CYP4X1: variants seen among roughly 807,000 people sequenced by gnomAD.
The protein encoded by CYP4X1 is cytochrome P450 family 4 subfamily X member 1.
CYP4X1 carries 44 observed loss-of-function variants against 57.9 expected under a neutral mutation model. The ratio of observed to expected loss-of-function variants is 0.76; its 90% CI spans 0.60 to 0.98. CYP4X1 has a LOEUF of 0.98. CYP4X1 is among the 50% of genes least tolerant of loss of function. The pLI, the probability that CYP4X1 is intolerant of heterozygous loss-of-function variation, is 0.00. For synonymous variants in CYP4X1, 227 were observed against 228.6 expected, an observed-to-expected ratio of 0.99 and a Z score of 0.06; for missense variants, 532 against 623.9, an observed-to-expected ratio of 0.85 and a Z score of 1.57.
chr1:47,049,347 C>A, intron 10 of CYP4X1, 75 bp from the exon 11 acceptor site: 1 of 1,035,726 alleles, frequency 9.7e-7, no homozygotes, highest in Non-Finnish European at 1.5e-6. Context: ...TTCTATTGAT[C>A]GGTGCTAGGT....
the CYP4X1 span, among the ~76,000 whole-genome samples, chr1:46,963,822 A>G: frequency 6.6e-6 from 1 of 152,196 alleles, no homozygotes; most frequent in Non-Finnish European, 1.5e-5. Context: ...TCTCCTGGAT[A>G]ATATCCTGAA....
chr1:46,978,107 TC>T, the CYP4X1 span, among the ~76,000 whole-genome samples: 6 of 152,024 alleles, frequency 3.9e-5, 1 homozygote, highest in African/African-American at 1.5e-4. Context: ...AATGACAGGA[TC>T]AAATTCATGC....
At chr1:47,038,202 A>G (rs774569053) in intron 6 of CYP4X1, among the ~76,000 whole-genome samples, 1 of 152,196 alleles carries the variant, frequency 6.6e-6, no homozygotes, top group African/African-American at 2.4e-5. Context: ...CCCTGTATCT[A>G]AAATAAAAGT....
At chr1:47,014,271 G>A in the CYP4X1 span, among the ~76,000 whole-genome samples, 3 of 152,160 alleles carry the variant, frequency 2.0e-5, no homozygotes, top group Admixed American at 1.3e-4. Flanking sequence ...ACTATAAAAT[G>A]TGAAACTCTA....
chr1:46,968,697 G>A, the CYP4X1 span, among the ~76,000 whole-genome samples: 1 of 152,190 alleles, frequency 6.6e-6, no homozygotes, highest in East Asian at 1.9e-4. Flanking sequence ...GAGTGAGTGA[G>A]TGAGTGAGTG....
the CYP4X1 span, among the ~76,000 whole-genome samples, chr1:46,966,325 C>T: frequency 6.6e-6 from 1 of 152,130 alleles, no homozygotes; most frequent in African/African-American, 2.4e-5. Context: ...ATGTAAAACT[C>T]CTGGGTTGCT....
the CYP4X1 span, among the ~76,000 whole-genome samples, chr1:46,962,934 T>C: frequency 7.9e-5 from 12 of 152,234 alleles, no homozygotes; most frequent in Non-Finnish European, 4.4e-5. Context: ...ATCTGGGTGC[T>C]CCTATATTGG....
At chr1:47,052,635 A>C (rs1444717009), downstream of CYP4X1, among the ~76,000 whole-genome samples, 1 of 152,212 alleles carries the variant, frequency 6.6e-6, no homozygotes, top group Non-Finnish European at 1.5e-5. Flanking sequence ...TGTTTACATA[A>C]ATATTGAAGA....
At chr1:47,040,577 T>A (rs964307321) in intron 8 of CYP4X1, among the ~76,000 whole-genome samples, 2 of 152,154 alleles carry the variant, frequency 1.3e-5, no homozygotes, top group African/African-American at 2.4e-5. Flanking sequence ...TTTCCTACCA[T>A]AAACTAAAGA....
At chr1:46,989,489 A>G in the CYP4X1 span, among the ~76,000 whole-genome samples, 1 of 152,234 alleles carries the variant, frequency 6.6e-6, no homozygotes, top group Non-Finnish European at 1.5e-5. Flanking sequence ...AGTAATTTAT[A>G]GATTCAATAC....
intron 2 of CYP4X1, among the ~76,000 whole-genome samples, chr1:47,031,017 T>C (rs1411429440): frequency 6.6e-6 from 1 of 152,200 alleles, no homozygotes; most frequent in Admixed American, 6.5e-5. Flanking sequence ...GTAGAACACC[T>C]CCACTTTGGG....
Position 47,046,498 on chromosome 1 carries a change from A to C in CYP4X1, c.1105A>C (p.Met369Leu), listed in dbSNP as rs916282190. The C allele has an allele frequency of 6.2e-7, 1 of 1,614,000 alleles. No homozygotes were observed. The highest frequency in any genetic ancestry group is 8.5e-7 in the Non-Finnish European group (1 of 1,180,024). ...GCTGGGTGAGATGTCGTACACCACA[A>C]TGTGCATCAAGGAGACGTGCCGATT... is the stretch of plus-strand genomic sequence containing the variant. Reference protein sequence around the residue: ...DQLGEMSYTTMCIKETCRLIP... With the variant: ...DQLGEMSYTTLCIKETCRLIP... The change falls in exon 9 of 12, where the codon ATG becomes CTG. Residue 369 changes from methionine (M) to leucine (L), a missense_variant. Transcript: ENST00000371901.
chr1:47,020,297 T>C (rs896228145), upstream of CYP4X1, among the ~76,000 whole-genome samples: 6 of 152,326 alleles, frequency 3.9e-5, no homozygotes, highest in Non-Finnish European at 7.4e-5. Context: ...CAGGGCCATG[T>C]TGATTTTGTT....
chr1:47,012,708 T>C, the CYP4X1 span, among the ~76,000 whole-genome samples: 1 of 152,368 alleles, frequency 6.6e-6, no homozygotes, highest in South Asian at 2.1e-4. Flanking sequence ...TTAGCTTATT[T>C]GTCCTTATTT....
At chr1:46,981,933 G>A in the CYP4X1 span, among the ~76,000 whole-genome samples, 1 of 152,282 alleles carries the variant, frequency 6.6e-6, no homozygotes, top group African/African-American at 2.4e-5. Context: ...ATTGAACTAT[G>A]AGAACACTTG....
rs752001897 is a variant in CYP4X1, at chr1:47,038,862, C to T, written c.882+96C>T. The T allele has an allele frequency of 2.1e-5, 18 of 872,624 alleles. No individual in the cohort carries two copies. The Admixed American group carries it at 4.5e-4, about 22-fold the overall frequency. 54.1% of individuals were successfully genotyped at this position (872,624 alleles called of 1,614,324 possible). A position where few individuals can be genotyped will look rare whatever the true frequency, so the allele number is the denominator to read the frequency against. On this transcript the variant is annotated intron_variant, in intron 7 of 11. Transcript: ENST00000371901. ...TGGGATGGGGAGACAAGAATAAAAC[C>T]GATTGACTAAATTTAACTGTACTTT... is the stretch of plus-strand genomic sequence containing the variant.
chr1:46,968,915 T>C, the CYP4X1 span, among the ~76,000 whole-genome samples: 2 of 152,164 alleles, frequency 1.3e-5, no homozygotes, highest in Admixed American at 1.3e-4. Context: ...TGAAAATGAA[T>C]GAAATAGAAT....
chr1:46,998,902 G>C, the CYP4X1 span, among the ~76,000 whole-genome samples: 306 of 152,024 alleles, frequency 2.0e-3, 1 homozygote, highest in African/African-American at 6.8e-3. Flanking sequence ...TTTATTTCTA[G>C]GCTCTCTATT....
the CYP4X1 span, among the ~76,000 whole-genome samples, chr1:46,965,277 C>T: frequency 6.6e-6 from 1 of 152,198 alleles, no homozygotes; most frequent in Non-Finnish European, 1.5e-5. Flanking sequence ...CACTGTCTGA[C>T]AATACCCAGT....
Sources: gnomAD v4.1 joint callset for allele counts (sites outside exome capture counted in the v4.1 genomes callset) on GRCh38, gnomAD v4.1.1 for gene constraint, MANE v1.5 for transcripts, NCBI Gene and HGNC (gene_info 2026-07-23, HGNC 2026-07-21) for gene names.